Variants in SAXO1 observed in about 807,000 individuals in gnomAD.
SAXO1 encodes the protein 4930500O09Rik.
In SAXO1, 21 loss-of-function variants were observed where a neutral mutation model predicts 17.5. The observed-to-expected ratio is 1.20, with a 90% confidence interval of 0.85 to 1.72. SAXO1 has a LOEUF of 1.72. Among genes scored for constraint, SAXO1 ranks in the 40% most tolerant of loss-of-function variants. The probability of loss-of-function intolerance (pLI) is 0.00; values close to 1 mark genes in which losing one functional copy is unlikely to be tolerated. For missense variants in SAXO1, 843 were observed against 596.0 expected, an observed-to-expected ratio of 1.41 and a Z score of -4.32; for synonymous variants, 274 against 216.5, an observed-to-expected ratio of 1.27 and a Z score of -2.33.
chr9:18,963,592 C>T (rs141721363), intron 1 of SAXO1, among the ~76,000 whole-genome samples: 2 of 152,076 alleles, frequency 1.3e-5, no homozygotes, highest in South Asian at 2.1e-4. Flanking sequence ...CATGATTTAG[C>T]TCTCTAATAT....
At chr9:18,982,481 A>G (rs6475299) in intron 1 of SAXO1, among the ~76,000 whole-genome samples, 89,239 of 151,820 alleles carry the variant, frequency 0.59, 26,418 homozygotes, top group Non-Finnish European at 0.64. Context: ...CACACAAAAC[A>G]AAAGGACCCG....
At chr9:18,971,765 C>G (rs576099294) in intron 1 of SAXO1, among the ~76,000 whole-genome samples, 1 of 152,100 alleles carries the variant, frequency 6.6e-6, no homozygotes, top group East Asian at 1.9e-4. Flanking sequence ...GATGTTTAGC[C>G]CAAAGGGAAA....
chr9:18,954,291 A>G (rs1832156943), intron 1 of SAXO1, among the ~76,000 whole-genome samples: 1 of 152,206 alleles, frequency 6.6e-6, no homozygotes. Flanking sequence ...TTAATTGTTA[A>G]TAAATAATTA....
upstream of SAXO1, among the ~76,000 whole-genome samples, chr9:19,037,296 T>C (rs1007623992): frequency 6.6e-6 from 1 of 152,168 alleles, no homozygotes; most frequent in African/African-American, 2.4e-5. Flanking sequence ...GGAGGGACTG[T>C]TGGGAAGGCA....
intron 1 of SAXO1, among the ~76,000 whole-genome samples, chr9:19,010,646 G>C: frequency 6.6e-6 from 1 of 152,024 alleles, no homozygotes; most frequent in Non-Finnish European, 1.5e-5. Flanking sequence ...TATATTATTT[G>C]GCTAGCTGAC....
At chr9:19,002,135 A>G (rs553942567) in intron 1 of SAXO1, among the ~76,000 whole-genome samples, 1 of 152,194 alleles carries the variant, frequency 6.6e-6, no homozygotes, top group Non-Finnish European at 1.5e-5. Flanking sequence ...CAAATAAACT[A>G]TAAAGTCTGG....
intron 1 of SAXO1, among the ~76,000 whole-genome samples, chr9:19,031,588 GA>G (rs1157262732): frequency 6.6e-6 from 1 of 152,082 alleles, no homozygotes; most frequent in African/African-American, 2.4e-5. Flanking sequence ...GGCGGCCTTA[GA>G]AAAAAAGGTT....
chr9:19,031,801 C>T (rs1005351778), intron 1 of SAXO1, among the ~76,000 whole-genome samples: 2 of 152,124 alleles, frequency 1.3e-5, no homozygotes, highest in East Asian at 1.9e-4. Context: ...TTTTCAAACT[C>T]CCTGTGTGAT....
chr9:19,011,529 A>C (rs1834730151), intron 1 of SAXO1, among the ~76,000 whole-genome samples: 1 of 152,230 alleles, frequency 6.6e-6, no homozygotes, highest in South Asian at 2.1e-4. Flanking sequence ...GCCCAGAGCT[A>C]AACCCTAAAT....
rs183820432 is a variant in SAXO1, at chr9:18,938,448, G to A, written c.421+3189C>T. Among the ~76,000 whole-genome samples the A allele has an allele frequency of 1.6e-3, 244 of 152,208 alleles. 1 individual carries two copies. Among genetic ancestry groups the A allele is most frequent in the Non-Finnish European group, 2.8e-3 (190 of 68,016 alleles). On this transcript the variant is annotated intron_variant, in intron 3 of 3. Transcript: ENST00000380534. ...ACACGGCAGGAGCAGGACAGAGAGC[G>A]CGAGTCGGGAGGTGGGGAGGTGCCA...
chr9:19,030,149 G>T (rs187392858), intron 1 of SAXO1, among the ~76,000 whole-genome samples: 2 of 152,226 alleles, frequency 1.3e-5, no homozygotes, highest in Admixed American at 1.3e-4. Flanking sequence ...CAGGAGGAGG[G>T]AACATAGGTA....
chr9:18,986,610 G>GA (rs35750649), intron 1 of SAXO1, among the ~76,000 whole-genome samples: 20 of 150,060 alleles, frequency 1.3e-4, no homozygotes, highest in African/African-American at 4.2e-4. Context: ...CTCCAAAGGA[G>GA]AAAAAAAAAA....
At chr9:19,035,137 C>T (rs548777906), upstream of SAXO1, among the ~76,000 whole-genome samples, 8 of 152,338 alleles carry the variant, frequency 5.3e-5, no homozygotes, top group Non-Finnish European at 4.4e-5. Flanking sequence ...TCCAGCCAAA[C>T]TTACCCTGAC....
At chr9:18,980,294 G>A (rs1336890642) in intron 1 of SAXO1, among the ~76,000 whole-genome samples, 1 of 152,062 alleles carries the variant, frequency 6.6e-6, no homozygotes, top group African/African-American at 2.4e-5. Flanking sequence ...GGCACTGCTT[G>A]GGAGTGTGTG....
chr9:19,043,422 G>A (rs1836125608), intron 1 of SAXO1, among the ~76,000 whole-genome samples: 1 of 152,040 alleles, frequency 6.6e-6, no homozygotes, highest in African/African-American at 2.4e-5. Context: ...GGGGTTAAGC[G>A]GGAGGTGGAG....
chr9:18,999,824 G>A (rs564231614), intron 1 of SAXO1, among the ~76,000 whole-genome samples: 4 of 147,090 alleles, frequency 2.7e-5, no homozygotes, highest in African/African-American at 1.0e-4. Context: ...CACTGTCTGG[G>A]AAGTGAGGAG....
At chr9:18,972,004 G>C (rs1296747507) in intron 1 of SAXO1, among the ~76,000 whole-genome samples, 1 of 152,094 alleles carries the variant, frequency 6.6e-6, no homozygotes, top group Non-Finnish European at 1.5e-5. Context: ...CTAGTATAAA[G>C]AACCACGCTG....
chr9:18,962,928 T>G (rs1832548426), intron 1 of SAXO1, among the ~76,000 whole-genome samples: 2 of 152,228 alleles, frequency 1.3e-5, no homozygotes, highest in African/African-American at 4.8e-5. Context: ...TTTTATGGTT[T>G]TACGTCTTAC....
At chr9:19,007,805 A>C (rs1834545700) in intron 1 of SAXO1, among the ~76,000 whole-genome samples, 1 of 152,202 alleles carries the variant, frequency 6.6e-6, no homozygotes, top group Non-Finnish European at 1.5e-5. Flanking sequence ...GACACGTGAA[A>C]ATTGTATGTA....
Sources: gnomAD v4.1 joint callset for allele counts (sites outside exome capture counted in the v4.1 genomes callset) on GRCh38, gnomAD v4.1.1 for gene constraint, MANE v1.5 for transcripts, NCBI Gene and HGNC (gene_info 2026-07-23, HGNC 2026-07-21) for gene names.